Variants in CSGALNACT1 observed in about 807,000 individuals in gnomAD.
The protein encoded by CSGALNACT1 is beta4GalNAcT-1.
In CSGALNACT1, 52 loss-of-function variants were observed where a neutral mutation model predicts 51.0. That is an observed-to-expected ratio of 1.02 (90% confidence interval 0.82 to 1.29). The LOEUF (loss-of-function observed/expected upper bound fraction) is 1.29. Ranked by LOEUF, CSGALNACT1 falls within the 50% of genes most tolerant of loss-of-function variation. The pLI is 0.00. For synonymous variants in CSGALNACT1, 341 were observed against 254.4 expected, an observed-to-expected ratio of 1.34 and a Z score of -3.24; for missense variants, 935 against 679.2, an observed-to-expected ratio of 1.38 and a Z score of -4.19.
At chr8:19,610,289 CAAA>C (rs58262538) in intron 1 of CSGALNACT1, among the ~76,000 whole-genome samples, 3 of 47,652 alleles carry the variant, frequency 6.3e-5, no homozygotes, top group Non-Finnish European at 4.0e-5. Context: ...GACTCCGTCT[CAAA>C]AAAAAAAAAA....
At chr8:19,620,644 AG>A (rs2053702629) in intron 1 of CSGALNACT1, among the ~76,000 whole-genome samples, 1 of 152,164 alleles carries the variant, frequency 6.6e-6, no homozygotes, top group Non-Finnish European at 1.5e-5. Context: ...TACGTTGCCC[AG>A]GTAGGTCTTC....
chr8:19,408,646 T>C, exon 9 of CSGALNACT1: 2 of 1,613,972 alleles, frequency 1.2e-6, no homozygotes, highest in Non-Finnish European at 1.7e-6. Flanking sequence ...TACTGACACG[T>C]CATCCCAAAT....
intron 1 of CSGALNACT1, among the ~76,000 whole-genome samples, chr8:19,644,424 G>A (rs1323522358): frequency 6.7e-6 from 1 of 149,086 alleles, no homozygotes; most frequent in African/African-American, 2.5e-5. Context: ...AAAAGGTAAT[G>A]AGGGGCGGGG....
intron 4 of CSGALNACT1, among the ~76,000 whole-genome samples, chr8:19,484,143 G>A (rs966307385): frequency 3.8e-4 from 54 of 141,146 alleles, no homozygotes; most frequent in African/African-American, 1.3e-3. Flanking sequence ...TTATGTTCAT[G>A]TCACTTTTAT....
intron 3 of CSGALNACT1, among the ~76,000 whole-genome samples, chr8:19,535,876 C>G (rs1194871844): frequency 6.6e-6 from 1 of 152,150 alleles, no homozygotes; most frequent in Admixed American, 6.5e-5. Context: ...TAACATTATA[C>G]TTAATGGTGA....
chr8:19,600,742 G>T (rs1001167326), intron 2 of CSGALNACT1, among the ~76,000 whole-genome samples: 4 of 150,974 alleles, frequency 2.6e-5, no homozygotes, highest in African/African-American at 9.8e-5. Flanking sequence ...CCTCATTTAA[G>T]TACAGGGCAG....
chr8:19,509,359 C>A (rs1006016608), intron 3 of CSGALNACT1, among the ~76,000 whole-genome samples: 11 of 152,228 alleles, frequency 7.2e-5, no homozygotes, highest in African/African-American at 2.4e-4. Flanking sequence ...GTGGCTCACA[C>A]CTGTAATCCC....
chr8:19,632,158 C>A (rs756128204), intron 1 of CSGALNACT1, among the ~76,000 whole-genome samples: 3 of 152,212 alleles, frequency 2.0e-5, no homozygotes, highest in Non-Finnish European at 4.4e-5. Flanking sequence ...AAAGAGAAAT[C>A]ACCCAATTTC....
intron 2 of CSGALNACT1, 74 bp downstream of exon 2, chr8:19,601,697 C>T (rs1352804734): frequency 5.2e-6 from 2 of 383,610 alleles, no homozygotes; most frequent in Non-Finnish European, 1.0e-5. Flanking sequence ...TCATACATTT[C>T]AAACACATCC....
At chr8:19,751,320 T>A (rs2065013579) in intron 1 of CSGALNACT1, among the ~76,000 whole-genome samples, 1 of 152,184 alleles carries the variant, frequency 6.6e-6, no homozygotes, top group Non-Finnish European at 1.5e-5. Flanking sequence ...GTGGCTGTGC[T>A]GATTAAATGA....
At chr8:19,640,946 A>G (rs192565830) in intron 1 of CSGALNACT1, among the ~76,000 whole-genome samples, 1 of 151,978 alleles carries the variant, frequency 6.6e-6, no homozygotes, top group East Asian at 1.9e-4. Context: ...ATTTTCTAAG[A>G]CAGAGGAATG....
At chr8:19,678,152 C>T (rs2060333898) in intron 1 of CSGALNACT1, among the ~76,000 whole-genome samples, 1 of 152,080 alleles carries the variant, frequency 6.6e-6, no homozygotes, top group East Asian at 1.9e-4. Flanking sequence ...CTTAGTCATA[C>T]TGCAAATATG....
chr8:19,431,159 ATTTC>A (rs1421074041), intron 6 of CSGALNACT1, among the ~76,000 whole-genome samples: 1 of 151,996 alleles, frequency 6.6e-6, no homozygotes, highest in Non-Finnish European at 1.5e-5. Context: ...GATGACTGTT[ATTTC>A]TTTTTCTTAT....
At chr8:19,751,753 G>C (rs949673331) in intron 1 of CSGALNACT1, among the ~76,000 whole-genome samples, 1 of 152,066 alleles carries the variant, frequency 6.6e-6, no homozygotes. Context: ...TTGTTTGCAA[G>C]TGTGTAGCAC....
chr8:19,531,026 C>T (rs1216629727), intron 3 of CSGALNACT1, among the ~76,000 whole-genome samples: 1 of 152,190 alleles, frequency 6.6e-6, no homozygotes, highest in African/African-American at 2.4e-5. Flanking sequence ...AGTGTGAATA[C>T]CTAAGAATCT....
intron 3 of CSGALNACT1, among the ~76,000 whole-genome samples, chr8:19,586,744 T>G (rs1404179758): frequency 1.3e-5 from 2 of 152,120 alleles, no homozygotes; most frequent in East Asian, 3.9e-4. Flanking sequence ...GGTTGAGAAA[T>G]GTCCAGCTGG....
At chr8:19,620,314 CAAAAAAAAAAAAAA>C (rs35145827) in intron 1 of CSGALNACT1, among the ~76,000 whole-genome samples, 1 of 64,758 alleles carries the variant, frequency 1.5e-5, no homozygotes, top group African/African-American at 6.4e-5. Flanking sequence ...GACTCTGTCT[CAAAAAAAAAAAAAA>C]AAAAAAAAAA....
intron 2 of CSGALNACT1, among the ~76,000 whole-genome samples, chr8:19,594,720 T>A (rs528782351): frequency 8.7e-4 from 133 of 152,168 alleles, no homozygotes; most frequent in African/African-American, 2.0e-3. Flanking sequence ...ATTTTTTTTT[T>A]TTTTTATTTT....
At chr8:19,426,049 G>C (rs946964265) in intron 6 of CSGALNACT1, among the ~76,000 whole-genome samples, 2 of 152,184 alleles carry the variant, frequency 1.3e-5, no homozygotes, top group African/African-American at 4.8e-5. Flanking sequence ...AGACTCCACA[G>C]GCTTCAAGGA....
Sources: gnomAD v4.1 joint callset for allele counts (sites outside exome capture counted in the v4.1 genomes callset) on GRCh38, gnomAD v4.1.1 for gene constraint, MANE v1.5 for transcripts, NCBI Gene and HGNC (gene_info 2026-07-23, HGNC 2026-07-21) for gene names.